Variants in SULF1 observed in about 807,000 individuals in gnomAD.
SULF1 encodes sulfatase 1, also known as extracellular sulfatase Sulf-1.
Under a neutral mutation model 110.5 loss-of-function variants are expected in SULF1, and 46 were observed. That is an observed-to-expected ratio of 0.42 (90% CI 0.33 to 0.53). The LOEUF (loss-of-function observed/expected upper bound fraction) is 0.53, where lower values mean the gene tolerates loss of function less well. Among genes scored for constraint, SULF1 ranks in the 20% least tolerant of loss-of-function variants. The pLI, the probability that SULF1 is intolerant of heterozygous loss-of-function variation, is 0.12. For synonymous variants in SULF1, 371 were observed against 387.1 expected (o/e 0.96, Z 0.49); for missense variants, 941 against 1,094.2 (o/e 0.86, Z 1.98).
chr8:69,580,118 C>T (rs1805959480), intron 6 of SULF1, among the ~76,000 whole-genome samples: 1 of 152,054 alleles, frequency 6.6e-6, no homozygotes. Context: ...AGAACTGAGG[C>T]ATATTTTTGG....
intron 5 of SULF1, among the ~76,000 whole-genome samples, chr8:69,574,489 T>A (rs553908083): frequency 2.0e-5 from 3 of 152,292 alleles, no homozygotes; most frequent in Non-Finnish European, 4.4e-5. Context: ...CAATCCAAGT[T>A]CCCTCTATTT....
intron 3 of SULF1, among the ~76,000 whole-genome samples, chr8:69,511,671 G>A (rs1811569262): frequency 6.6e-6 from 1 of 152,166 alleles, no homozygotes. Flanking sequence ...TCCACCACTA[G>A]GGTGGTGCAT....
At chr8:69,610,414 C>T (rs1380824342) in intron 13 of SULF1, among the ~76,000 whole-genome samples, 2 of 152,176 alleles carry the variant, frequency 1.3e-5, no homozygotes, top group Non-Finnish European at 2.9e-5. Context: ...CAGAAGCAGA[C>T]AAACCTGTTT....
At chr8:69,526,705 C>T (rs9942730) in intron 3 of SULF1, among the ~76,000 whole-genome samples, 3,452 of 151,748 alleles carry the variant, frequency 0.023, 127 homozygotes, top group African/African-American at 0.078. Context: ...ATGGGAGGAT[C>T]GCTTGAGCCC....
chr8:69,626,615 C>T (rs375787529), intron 15 of SULF1, among the ~76,000 whole-genome samples: 3 of 152,352 alleles, frequency 2.0e-5, no homozygotes, highest in East Asian at 1.9e-4. Context: ...GCTGCAGTCC[C>T]GAGGCCTGCC....
chr8:69,472,516 T>C (rs1335650145), intron 1 of SULF1, among the ~76,000 whole-genome samples: 1 of 152,228 alleles, frequency 6.6e-6, no homozygotes, highest in Non-Finnish European at 1.5e-5. Context: ...TGAAATTCTC[T>C]AACAAGGCAC....
chr8:69,600,861 T>C (rs1301330909), intron 9 of SULF1, 108 bp downstream of exon 9: 5 of 1,245,382 alleles, frequency 4.0e-6, no homozygotes, highest in Non-Finnish European at 5.6e-6. Context: ...TCCAGCATCA[T>C]TTTGAGAGAG....
intron 22 of SULF1, among the ~76,000 whole-genome samples, chr8:69,646,331 A>C (rs1811906348): frequency 6.6e-6 from 1 of 152,194 alleles, no homozygotes; most frequent in South Asian, 2.1e-4. Context: ...GTATTACAAC[A>C]CTTACTGTGG....
intron 3 of SULF1, among the ~76,000 whole-genome samples, chr8:69,533,473 A>G (rs935933685): frequency 4.6e-5 from 7 of 152,018 alleles, no homozygotes; most frequent in Non-Finnish European, 8.8e-5. Flanking sequence ...CTCATTGTTC[A>G]GCTCCCACTT....
At position 69,601,665 on chromosome 8, in the gene SULF1, G is replaced by C; in HGVS notation, c.897G>C (p.Met299Ile). 2 of 1,610,138 alleles carry C rather than the reference G, an allele frequency of 1.2e-6. No individual in the cohort carries two copies. Among genetic ancestry groups the C allele is most frequent in the Non-Finnish European group, 1.7e-6 (2 of 1,178,126 alleles). Residue 299 changes from methionine to isoleucine, a missense_variant, in exon 10 of 23, where the codon ATG becomes ATC. Met to Ile is a conservative substitution (Grantham distance 10). Transcript: ENST00000402687. ...TTGCTGTATTTCAGCTGTATAACAT[G>C]CTCGTGGAGACGGGGGAGCTGGAGA... ...VDDSVERLYNMLVETGELENT... is the reference protein window; with the variant it reads ...VDDSVERLYNILVETGELENT...
At position 69,589,122 on chromosome 8, in the gene SULF1, C is replaced by G. The variant is rs1806682643; in HGVS notation, c.715C>G (p.Pro239Ala). 1 of 1,613,820 alleles carries G rather than the reference C, an allele frequency of 6.2e-7. No individual in the cohort carries two copies. The highest frequency in any genetic ancestry group is 8.5e-7 in the Non-Finnish European group (1 of 1,179,880). The change falls in exon 8 of 23, where the codon CCC becomes GCC. Residue 239 changes from proline to alanine, a missense_variant. By Grantham distance (27) the Pro-to-Ala change is conservative. This residue lies in a region of SULF1 where 822 missense variants were observed against 934.3 expected (regional missense o/e 0.88). Coordinates refer to ENST00000402687, the MANE Select transcript of SULF1 (RefSeq NM_001128205.2). ...AGCCCCACAGTTTTCTAAACTGTAC[C>G]CCAATGCTTCCCAACACATGTAAGT... Reference protein sequence around the residue: ...DSAPQFSKLYPNASQHITPSY... With the variant: ...DSAPQFSKLYANASQHITPSY...
chr8:69,598,238 G>A (rs4737997), intron 8 of SULF1, among the ~76,000 whole-genome samples: 114,900 of 152,084 alleles, frequency 0.76, 43,729 homozygotes, highest in African/African-American at 0.83. Flanking sequence ...TTGGAATACT[G>A]TGGATTTTTT....
intron 3 of SULF1, among the ~76,000 whole-genome samples, chr8:69,520,112 TAC>T (rs34036903): frequency 0.29 from 39,028 of 136,648 alleles, 5,272 homozygotes; most frequent in Admixed American, 0.33. Flanking sequence ...AAATTCCAGT[TAC>T]ACACACACAC....
intron 5 of SULF1, among the ~76,000 whole-genome samples, chr8:69,567,077 C>T (rs970564438): frequency 6.6e-6 from 1 of 152,114 alleles, no homozygotes; most frequent in African/African-American, 2.4e-5. Flanking sequence ...AATTATTAAG[C>T]ACCTCCTAAA....
chr8:69,628,342 A>G (rs1810261322), intron 18 of SULF1, 106 bp downstream of exon 18: 1 of 935,794 alleles, frequency 1.1e-6, no homozygotes, highest in African/African-American at 1.6e-5. Context: ...GCCGCTTCAG[A>G]AGAAGTAGAT....
chr8:69,520,694 A>C (rs1275502830), intron 3 of SULF1, among the ~76,000 whole-genome samples: 1 of 152,214 alleles, frequency 6.6e-6, no homozygotes, highest in Admixed American at 6.5e-5. Flanking sequence ...TTAAGAATTT[A>C]AAGTGAGGCT....
intron 15 of SULF1, among the ~76,000 whole-genome samples, chr8:69,625,682 C>T (rs985895294): frequency 5.9e-5 from 9 of 152,232 alleles, no homozygotes; most frequent in East Asian, 1.9e-4. Flanking sequence ...CAGATCTTCG[C>T]GGTGAGTGTT....
At chr8:69,624,616 G>A (rs1009424718) in intron 15 of SULF1, among the ~76,000 whole-genome samples, 9 of 152,236 alleles carry the variant, frequency 5.9e-5, no homozygotes, top group African/African-American at 2.2e-4. Flanking sequence ...GTCACTTGGA[G>A]CAGTTGTGTA....
At chr8:69,585,282 T>C (rs114072473) in intron 6 of SULF1, among the ~76,000 whole-genome samples, 4,836 of 152,220 alleles carry the variant, frequency 0.032, 253 homozygotes, top group African/African-American at 0.11. Context: ...CTGGAGTGAC[T>C]AAACATTTAG....
Sources: allele counts gnomAD v4.1 joint callset (sites outside exome capture counted in the v4.1 genomes callset), GRCh38; gene constraint gnomAD v4.1.1; regional missense constraint gnomAD v4.1.1; transcripts MANE v1.5; gene names NCBI Gene and HGNC (gene_info 2026-07-23, HGNC 2026-07-21).